The following LY86 variants were observed in gnomAD, a reference collection of about 807,000 sequenced individuals.
LY86 encodes MD-1, RP105-associated.
In LY86, 20 loss-of-function variants were observed where a neutral mutation model predicts 17.3. That is an observed-to-expected ratio of 1.15 (90% CI 0.81 to 1.68). LY86 has a LOEUF of 1.68. LY86 is among the 40% of genes most tolerant of loss of function. LY86 has a pLI of 0.00. For missense variants in LY86, 200 were observed against 191.9 expected, an observed-to-expected ratio of 1.04 and a Z score of -0.25; for synonymous variants, 74 against 70.6, an observed-to-expected ratio of 1.05 and a Z score of -0.24.
chr6:6,597,429 A>T (rs936970643), intron 1 of LY86, among the ~76,000 whole-genome samples: 1 of 152,164 alleles, frequency 6.6e-6, no homozygotes, highest in Admixed American at 6.5e-5. Context: ...CAAAACCTGA[A>T]CAAGGCGGGG....
In LY86 at chr6:6,625,898, C is replaced by T. The variant is rs545832770; in HGVS notation, c.224-395C>T. ...TGTGCACCTGTGCTGCAATACCTCC[C>T]TGGCAACAGCAGCAGGTGTATGTAG... On this transcript the variant is annotated intron_variant, in intron 2 of 4. Coordinates refer to ENST00000230568, the MANE Select transcript of LY86 (RefSeq NM_004271.4). 3.3e-5 allele frequency among the ~76,000 whole-genome samples: 5 copies of T among 152,330 alleles called. No homozygotes were observed. In the South Asian group the frequency reaches 1.0e-3, roughly 32 times the overall value.
chr6:6,602,475 A>C (rs1262912315), intron 1 of LY86, among the ~76,000 whole-genome samples: 1 of 152,238 alleles, frequency 6.6e-6, no homozygotes, highest in Non-Finnish European at 1.5e-5. Context: ...TCCATACTCA[A>C]TGTGAATTAC....
intron 3 of LY86, among the ~76,000 whole-genome samples, chr6:6,644,468 GAACCGAGATTGCAC>G (rs1319880447): frequency 2.0e-5 from 3 of 151,844 alleles, no homozygotes; most frequent in Admixed American, 2.0e-4. Flanking sequence ...AGGTTGCAAT[GAACCGAGATTGCAC>G]AACCTGGGTG....
chr6:6,636,783 G>T (rs1761964310), intron 3 of LY86, among the ~76,000 whole-genome samples: 1 of 151,636 alleles, frequency 6.6e-6, no homozygotes, highest in South Asian at 2.1e-4. Context: ...TTCAATGGTA[G>T]ATTTCCTGCT....
At chr6:6,606,042 A>G (rs1350734817) in intron 1 of LY86, among the ~76,000 whole-genome samples, 3 of 152,224 alleles carry the variant, frequency 2.0e-5, no homozygotes, top group Admixed American at 6.5e-5. Flanking sequence ...ATACTACTCA[A>G]GCAGGTTACT....
chr6:6,625,772 A>G (rs1012720535), intron 2 of LY86, among the ~76,000 whole-genome samples: 9 of 152,202 alleles, frequency 5.9e-5, no homozygotes, highest in Non-Finnish European at 1.0e-4. Context: ...GGAGAGAAAA[A>G]GCGAGAAAAG....
chr6:6,612,537 C>T (rs530053529), intron 1 of LY86, among the ~76,000 whole-genome samples: 12 of 152,302 alleles, frequency 7.9e-5, no homozygotes, highest in African/African-American at 1.2e-4. Flanking sequence ...ACCAACCACA[C>T]AAAAGCAACG....
At chr6:6,600,950 A>C (rs1430953747) in intron 1 of LY86, among the ~76,000 whole-genome samples, 2 of 152,222 alleles carry the variant, frequency 1.3e-5, no homozygotes, top group African/African-American at 4.8e-5. Flanking sequence ...TTTCTGCCTC[A>C]CACTTGACTT....
At chr6:6,618,840 G>T (rs1171768199) in intron 1 of LY86, among the ~76,000 whole-genome samples, 1 of 152,040 alleles carries the variant, frequency 6.6e-6, no homozygotes, top group East Asian at 1.9e-4. Flanking sequence ...GATTTGACAG[G>T]TAGAAAAAAG....
At chr6:6,624,663 C>T (rs988935693) in intron 1 of LY86, among the ~76,000 whole-genome samples, 1 of 152,060 alleles carries the variant, frequency 6.6e-6, no homozygotes, top group Non-Finnish European at 1.5e-5. Context: ...AAAACATTAA[C>T]AAGTAAAGAT....
At chr6:6,612,468 G>A (rs187393885) in intron 1 of LY86, among the ~76,000 whole-genome samples, 30 of 152,250 alleles carry the variant, frequency 2.0e-4, no homozygotes, top group East Asian at 1.2e-3. Flanking sequence ...CTTCATAAAA[G>A]CAATGCAGAC....
intron 1 of LY86, among the ~76,000 whole-genome samples, chr6:6,600,682 C>A (rs1278956816): frequency 6.6e-6 from 1 of 150,406 alleles, no homozygotes; most frequent in African/African-American, 2.5e-5. Flanking sequence ...GAGGCCAGGG[C>A]CTGCTTCTGG....
chr6:6,609,077 C>T (rs548131346), intron 1 of LY86, among the ~76,000 whole-genome samples: 5 of 152,198 alleles, frequency 3.3e-5, no homozygotes, highest in Non-Finnish European at 5.9e-5. Context: ...AAGCCAACCG[C>T]AGCTCTGCTT....
intron 1 of LY86, among the ~76,000 whole-genome samples, chr6:6,600,072 A>C (rs1760850463): frequency 6.6e-6 from 1 of 152,234 alleles, no homozygotes; most frequent in Admixed American, 6.5e-5. Flanking sequence ...GGGCCTTTGA[A>C]TATGTAAGAG....
At chr6:6,599,886 AC>A (rs1198402235) in intron 1 of LY86, among the ~76,000 whole-genome samples, 1 of 152,124 alleles carries the variant, frequency 6.6e-6, no homozygotes, top group East Asian at 1.9e-4. Context: ...AAGCATAAAA[AC>A]CATCACATGA....
intron 3 of LY86, among the ~76,000 whole-genome samples, chr6:6,647,253 C>A (rs1366009105): frequency 6.6e-6 from 1 of 152,182 alleles, no homozygotes; most frequent in African/African-American, 2.4e-5. Context: ...CCTTCTTAAA[C>A]CCTTCATGTC....
At chr6:6,627,811 T>C (rs1010859381) in intron 3 of LY86, among the ~76,000 whole-genome samples, 1 of 152,196 alleles carries the variant, frequency 6.6e-6, no homozygotes, top group South Asian at 2.1e-4. Flanking sequence ...AATGTGTAAC[T>C]GAAGCACAGA....
At chr6:6,632,212 A>C (rs1761907522) in intron 3 of LY86, among the ~76,000 whole-genome samples, 1 of 152,234 alleles carries the variant, frequency 6.6e-6, no homozygotes, top group Non-Finnish European at 1.5e-5. Context: ...CTTAACAGAT[A>C]GGCTGGTCAG....
intron 1 of LY86, among the ~76,000 whole-genome samples, chr6:6,596,482 CTTCA>C (rs1273079359): frequency 1.3e-5 from 2 of 152,168 alleles, no homozygotes; most frequent in Non-Finnish European, 2.9e-5. Flanking sequence ...CAATTTCTCT[CTTCA>C]TTTATTTTCC....
Sources: allele counts gnomAD v4.1 joint callset (sites outside exome capture counted in the v4.1 genomes callset), GRCh38; gene constraint gnomAD v4.1.1; transcripts MANE v1.5; gene names NCBI Gene and HGNC (gene_info 2026-07-23, HGNC 2026-07-21).